TCF4: variants seen among roughly 807,000 people sequenced by gnomAD.
TCF4 encodes the protein SL3-3 enhancer factor 2.
TCF4 carries 3 observed loss-of-function variants against 82.1 expected under a neutral mutation model. That is an observed-to-expected ratio of 0.04 (90% CI 0.02 to 0.09). TCF4 has a LOEUF of 0.09. Among genes scored for constraint, TCF4 ranks in the 10% least tolerant of loss-of-function variants. The pLI is 1.00. For synonymous variants in TCF4, 276 were observed against 309.6 expected, an observed-to-expected ratio of 0.89 and a Z score of 1.14; for missense variants, 518 against 852.7, an observed-to-expected ratio of 0.61 and a Z score of 4.89.
At chr18:55,279,022 C>A (rs1275760159) in intron 9 of TCF4, among the ~76,000 whole-genome samples, 9 of 152,144 alleles carry the variant, frequency 5.9e-5, no homozygotes, top group Non-Finnish European at 1.3e-4. Flanking sequence ...GCCTTTTATC[C>A]TAAACCAGTT....
chr18:55,480,825 C>T (rs1048842727), intron 3 of TCF4, among the ~76,000 whole-genome samples: 5 of 152,096 alleles, frequency 3.3e-5, no homozygotes, highest in Non-Finnish European at 4.4e-5. Flanking sequence ...GCTTATGGGC[C>T]GGGTGCAGTG....
chr18:55,511,190 C>A (rs771298405), intron 3 of TCF4, among the ~76,000 whole-genome samples: 11 of 152,042 alleles, frequency 7.2e-5, no homozygotes, highest in Middle Eastern at 3.4e-3. Flanking sequence ...ACACAATACA[C>A]GGAATTATTT....
rs900500336 is a variant in TCF4 at position 55,433,060 on chromosome 18, G to A, written c.304+27959C>T. ...GTAAAAAAAGTGCAGTAGTGAATTC[G>A]GTAGTCATATCATCTCGATAACTTA... On this transcript the variant is annotated intron_variant, in intron 5 of 19. Coordinates refer to ENST00000354452, the MANE Select transcript of TCF4 (RefSeq NM_001083962.2). Among the ~76,000 whole-genome samples the A allele has an allele frequency of 6.6e-5, 10 of 152,236 alleles. No homozygotes were observed. In the South Asian group the frequency reaches 8.3e-4, roughly 13 times the overall value.
chr18:55,254,791 T>G (rs547215146), intron 14 of TCF4, 91 bp from the exon 15 acceptor site: 1 of 1,139,524 alleles, frequency 8.8e-7, no homozygotes, highest in Non-Finnish European at 1.3e-6. Flanking sequence ...AAAAACACAC[T>G]GTGTTTCTAA....
intron 9 of TCF4, among the ~76,000 whole-genome samples, chr18:55,279,008 T>C (rs995504230): frequency 3.3e-5 from 5 of 152,208 alleles, no homozygotes; most frequent in African/African-American, 9.6e-5. Context: ...CCCCCAAAAG[T>C]TGGGCCTTTT....
chr18:55,250,557 A>T (rs1263692167), intron 15 of TCF4, among the ~76,000 whole-genome samples: 1 of 152,190 alleles, frequency 6.6e-6, no homozygotes, highest in African/African-American at 2.4e-5. Flanking sequence ...CTTGAGACTA[A>T]CTGCTCAAAC....
intron 8 of TCF4, chr18:55,322,396 C>G (rs1289691230): frequency 4.0e-6 from 3 of 748,258 alleles, no homozygotes; most frequent in East Asian, 2.6e-4. Context: ...GAACTCGACT[C>G]GGAGAAAGGG....
chr18:55,419,783 C>T (rs1256638454), intron 5 of TCF4, among the ~76,000 whole-genome samples: 1 of 152,178 alleles, frequency 6.6e-6, no homozygotes, highest in Non-Finnish European at 1.5e-5. Context: ...TCTCCACAGA[C>T]CCCAACCAAT....
chr18:55,541,385 T>C (rs566234763), intron 3 of TCF4, among the ~76,000 whole-genome samples: 1 of 152,056 alleles, frequency 6.6e-6, no homozygotes, highest in East Asian at 1.9e-4. Context: ...AAAACACGGA[T>C]ACCAATAATA....
At chr18:55,616,293 C>A (rs2097711803) in intron 2 of TCF4, among the ~76,000 whole-genome samples, 1 of 152,102 alleles carries the variant, frequency 6.6e-6, no homozygotes, top group Non-Finnish European at 1.5e-5. Context: ...CATGTGGTCA[C>A]ACATGACAGG....
Position 55,222,444 on chromosome 18 carries a change from T to C in TCF4, c.*5591A>G, listed in dbSNP as rs2045992836. The C allele has an allele frequency of 6.7e-6, 1 of 149,424 alleles. No homozygotes were observed. The highest frequency in any genetic ancestry group is 2.5e-5 in the African/African-American group (1 of 40,444). 9.3% of individuals were successfully genotyped at this position (149,424 alleles called of 1,614,324 possible). On this transcript the variant is annotated 3_prime_UTR_variant, in exon 20 of 20. Transcript: ENST00000354452. ...TCAACCAAAATCTTTGGAAATTTCA[T>C]AAAATTTAAATATCTGCAAACAGTC...
chr18:55,513,993 A>C (rs928144787), intron 3 of TCF4, among the ~76,000 whole-genome samples: 4 of 152,176 alleles, frequency 2.6e-5, no homozygotes, highest in African/African-American at 9.6e-5. Flanking sequence ...ATCTAAGATG[A>C]AACTATAATC....
At chr18:55,309,546 A>G (rs2071592858) in intron 8 of TCF4, among the ~76,000 whole-genome samples, 1 of 152,232 alleles carries the variant, frequency 6.6e-6, no homozygotes, top group Non-Finnish European at 1.5e-5. Context: ...TAACGATCAA[A>G]TTAGAACTGG....
chr18:55,305,361 A>G (rs1397167833), intron 8 of TCF4, among the ~76,000 whole-genome samples: 1 of 152,178 alleles, frequency 6.6e-6, no homozygotes, highest in Non-Finnish European at 1.5e-5. Context: ...TGTCACTTAC[A>G]GGGGGAACAC....
Position 55,226,394 on chromosome 18 carries a change from CCAAAGT to C in TCF4, c.*1635_*1640del, listed in dbSNP as rs1568280200. On this transcript the variant is annotated 3_prime_UTR_variant, in exon 20 of 20. Transcript: ENST00000354452. ...CACTATTTGTTTACTGCACTATACA[CCAAAGT>C]CAATCATTATAAAGATTCACGATGG... is the stretch of plus-strand genomic sequence containing the variant. The C allele has an allele frequency of 6.6e-6, 1 of 152,332 alleles. No individual in the cohort carries two copies. The highest frequency in any genetic ancestry group is 2.4e-5 in the African/African-American group (1 of 41,392). 9.4% of individuals were successfully genotyped at this position (152,332 alleles called of 1,614,324 possible). A position where few individuals can be genotyped will look rare whatever the true frequency, so the allele number is the denominator to read the frequency against.
At chr18:55,411,751 C>A (rs147950213) in intron 5 of TCF4, among the ~76,000 whole-genome samples, 43 of 151,832 alleles carry the variant, frequency 2.8e-4, no homozygotes, top group African/African-American at 9.9e-4. Context: ...TTATTTTTTT[C>A]TTTTTAAGAC....
At chr18:55,513,946 A>C (rs1355315419) in intron 3 of TCF4, among the ~76,000 whole-genome samples, 2 of 152,180 alleles carry the variant, frequency 1.3e-5, no homozygotes, top group Admixed American at 6.6e-5. Flanking sequence ...TAAACATGCA[A>C]ATCCCTTTGT....
intron 2 of TCF4, chr18:55,585,851 T>C: frequency 2.6e-6 from 3 of 1,158,720 alleles, no homozygotes; most frequent in African/African-American, 3.1e-5. Flanking sequence ...GGAGAGCAAT[T>C]TGAAGCAAGA....
intron 3 of TCF4, among the ~76,000 whole-genome samples, chr18:55,537,333 G>GCT (rs1014491630): frequency 2.0e-5 from 3 of 152,114 alleles, no homozygotes; most frequent in Non-Finnish European, 4.4e-5. Context: ...GGGCACAGTG[G>GCT]CTCACGCCTG....
Sources: allele counts gnomAD v4.1 joint callset (sites outside exome capture counted in the v4.1 genomes callset), GRCh38; gene constraint gnomAD v4.1.1; transcripts MANE v1.5; gene names NCBI Gene and HGNC (gene_info 2026-07-23, HGNC 2026-07-21).